The following CCNI2 variants were observed in gnomAD, a reference collection of about 807,000 sequenced individuals.
CCNI2 encodes the protein cyclin-I2.
CCNI2 carries 32 observed loss-of-function variants against 33.2 expected under a neutral mutation model. The observed-to-expected ratio is 0.96, with a 90% CI of 0.73 to 1.30. The LOEUF is 1.30. CCNI2 is among the 50% of genes most tolerant of loss of function. The pLI, the probability that CCNI2 is intolerant of heterozygous loss-of-function variation, is 0.00. For missense variants in CCNI2, 452 were observed against 486.2 expected (o/e 0.93, Z 0.66); for synonymous variants, 231 against 219.9 (o/e 1.05, Z -0.45).
At chr5:132,749,491 GT>G in intron 3 of CCNI2, 69 bp downstream of exon 3, 1 of 1,286,554 alleles carries the variant, frequency 7.8e-7, no homozygotes, top group Non-Finnish European at 1.1e-6. Context: ...GAGGACTCCA[GT>G]TTCCTGATAG....
In CCNI2 at chr5:132,747,802, C is replaced by T. The variant is rs946219281; in HGVS notation, c.307C>T (p.Pro103Ser). ...PAAAPEQAPRPAPQSRKPRNL... is the reference protein window; with the variant it reads ...PAAAPEQAPRSAPQSRKPRNL... ...CGCCGCCCCAGAGCAAGCTCCGCGG[C>T]CGGCTCCACAGTCCCGCAAGCCGCG... The change falls in exon 1 of 6, where the codon CCG becomes TCG. Residue 103 changes from proline to serine, a missense_variant. Pro to Ser is a moderately conservative substitution (Grantham distance 74). Transcript: ENST00000378731. This position sits in a 1 kb window ranked among gnomAD's most constrained non-coding sequence, Gnocchi z 4.1. 7 of 1,478,474 alleles carry T rather than the reference C, an allele frequency of 4.7e-6. No individual in the cohort carries two copies. The African/African-American group carries it at 8.8e-5, about 19-fold the overall frequency. 91.6% of individuals were successfully genotyped at this position (1,478,474 alleles called of 1,614,324 possible).
intron 4 of CCNI2, chr5:132,751,752 CTTT>C (rs879047407): frequency 1.7e-3 from 916 of 539,680 alleles, no homozygotes; most frequent in South Asian, 4.0e-3. Context: ...ACAAAGCAGA[CTTT>C]TTTTTTTTTT....
intron 5 of CCNI2, 74 bp downstream of exon 5, chr5:132,752,270 G>A: frequency 5.5e-6 from 8 of 1,461,266 alleles, no homozygotes; most frequent in Non-Finnish European, 6.4e-6. Flanking sequence ...CCCCAAAGGG[G>A]TACCCTTTGC....
chr5:132,751,800 A>T, intron 4 of CCNI2, 166 bp from the exon 5 acceptor site: 1 of 785,010 alleles, frequency 1.3e-6, no homozygotes, highest in South Asian at 1.9e-5. Flanking sequence ...TGGCCACAGG[A>T]TGGGCATTAA....
rs1755014312 is a variant in CCNI2 at position 132,753,216 on chromosome 5, C to T, written c.*246C>T. The T allele has an allele frequency of 2.1e-6, 1 of 482,356 alleles. No homozygotes were observed. The highest frequency in any genetic ancestry group is 3.7e-6 in the Non-Finnish European group (1 of 267,536). The allele number at this position is 482,356 out of a possible 1,614,324, so 29.9% of individuals were successfully genotyped here. On this transcript the variant is annotated 3_prime_UTR_variant, in exon 6 of 6. Coordinates refer to ENST00000378731, the MANE Select transcript of CCNI2 (RefSeq NM_001039780.4). ...TGACCCTGTCTTCCCTTTTTCTCCT[C>T]TGGGCCTGAAGCCAGGGAGTATGAA... is the stretch of plus-strand genomic sequence containing the variant.
chr5:132,756,054 A>G (rs776522290), downstream of CCNI2: 30 of 985,326 alleles, frequency 3.0e-5, no homozygotes, highest in Non-Finnish European at 3.5e-5. Flanking sequence ...AGTGAATGGA[A>G]AAGAACAAAA....
At chr5:132,750,701 A>C in intron 3 of CCNI2, 156 bp from the exon 4 acceptor site, 1 of 695,860 alleles carries the variant, frequency 1.4e-6, no homozygotes, top group South Asian at 2.0e-5. Flanking sequence ...CAGATAGCCA[A>C]GATCTGGTTT....
rs950523263 is a variant in CCNI2 at position 132,754,071 on chromosome 5, G to T, written c.*1101G>T. On this transcript the variant is annotated 3_prime_UTR_variant, in exon 6 of 6. Coordinates refer to ENST00000378731, the MANE Select transcript of CCNI2 (RefSeq NM_001039780.4). ...GTCAAGGGCCAGATATACTATAATT[G>T]TCTATATTATAGAGTTAGTATACAT... The T allele has an allele frequency of 5.8e-6, 1 of 172,534 alleles. No individual in the cohort carries two copies. The highest frequency in any genetic ancestry group is 2.5e-3 in the Middle Eastern group (1 of 408). 10.7% of individuals were successfully genotyped at this position (172,534 alleles called of 1,614,324 possible). A position where few individuals can be genotyped will look rare whatever the true frequency, so the allele number is the denominator to read the frequency against.
At chr5:132,754,506 A>T, downstream of CCNI2, 1 of 717,516 alleles carries the variant, frequency 1.4e-6, no homozygotes. Context: ...CTGAGAGCTG[A>T]TCCAACTCAA....
Position 132,747,876 on chromosome 5 carries a change from G to A in CCNI2, c.381G>A (p.Gln127=). 1 of 1,455,032 alleles carries A rather than the reference G, an allele frequency of 6.9e-7. No individual in the cohort carries two copies. Among genetic ancestry groups the A allele is most frequent in the Non-Finnish European group, 9.0e-7 (1 of 1,111,562 alleles). 90.1% of individuals were successfully genotyped at this position (1,455,032 alleles called of 1,614,324 possible). A position where few individuals can be genotyped will look rare whatever the true frequency, so the allele number is the denominator to read the frequency against. Residue 127 remains glutamine (Q), a synonymous_variant, in exon 1 of 6, where the codon CAG becomes CAA. Coordinates refer to ENST00000378731, the MANE Select transcript of CCNI2 (RefSeq NM_001039780.4). This position sits in a 1 kb window ranked among gnomAD's most constrained non-coding sequence, Gnocchi z 4.1. ...LDERRLLCHL[Q]LAQDREARLW... ...AGCGCCGGCTGCTCTGCCACTTGCA[G>A]CTGGCCCAGGACCGCGAGGCGCGCC...
Position 132,747,621 on chromosome 5 carries a change from T to G in CCNI2, c.126T>G (p.Ser42=). The G allele has an allele frequency of 2.0e-6, 3 of 1,501,244 alleles. No homozygotes were observed. Among genetic ancestry groups the G allele is most frequent in the Non-Finnish European group, 2.7e-6 (3 of 1,131,666 alleles). 93.0% of individuals were successfully genotyped at this position (1,501,244 alleles called of 1,614,324 possible). The change falls in exon 1 of 6, where the codon TCT becomes TCG. Residue 42 remains serine (S), a synonymous_variant. Transcript: ENST00000378731. The surrounding 1 kb of genome is among the most constrained non-coding windows in gnomAD (Gnocchi z 4.1). ...CCCTGGGCGTTCCTCTCCCGCCGTC[T>G]CCGGGGGAGGCCCCTCTGCCCCGAA... is the stretch of plus-strand genomic sequence containing the variant. ...ETALGVPLPP[S]PGEAPLPRSN...
At chr5:132,751,588 G>A (rs1035083050) in intron 4 of CCNI2, 12 of 281,182 alleles carry the variant, frequency 4.3e-5, no homozygotes, top group Non-Finnish European at 8.0e-5. Flanking sequence ...GTTTCATTAC[G>A]AAAACTGGCC....
chr5:132,750,976 G>A lies in CCNI2; in HGVS notation c.753G>A (p.Thr251=), dbSNP rs755646712. ...TGCACTGGGACCTCTATATTGGGAC[G>A]CCGCTGGACTTCTTGACTATAGTGA... ...DRLHWDLYIG[T]PLDFLTIFHA... Residue 251 remains threonine, a synonymous_variant, in exon 4 of 6, where the codon ACG becomes ACA. Transcript: ENST00000378731. 31 of 1,613,894 alleles carry A rather than the reference G, an allele frequency of 1.9e-5. No homozygotes were observed. Among genetic ancestry groups the A allele is most frequent in the East Asian group, 8.9e-5 (4 of 44,902 alleles).
At position 132,754,207 on chromosome 5, in the gene CCNI2, T is replaced by A; in HGVS notation, c.*1237T>A. 1 of 548,452 alleles carries A rather than the reference T, an allele frequency of 1.8e-6. No individual in the cohort carries two copies. Among genetic ancestry groups the A allele is most frequent in the Non-Finnish European group, 3.3e-6 (1 of 305,336 alleles). The allele number at this position is 548,452 out of a possible 1,614,324, so 34.0% of individuals were successfully genotyped here. ...TTTTGAGCTACCATGCATTTAGCCTTGCGAGAGTCAGATACATTTGGAACA... is the reference window on the plus strand; with the variant it reads ...TTTTGAGCTACCATGCATTTAGCCTAGCGAGAGTCAGATACATTTGGAACA... On this transcript the variant is annotated 3_prime_UTR_variant, in exon 6 of 6. Coordinates refer to ENST00000378731, the MANE Select transcript of CCNI2 (RefSeq NM_001039780.4).
Position 132,749,339 on chromosome 5 carries a change from A to G in CCNI2, c.559-9A>G. The G allele has an allele frequency of 6.2e-7, 1 of 1,609,778 alleles. No individual in the cohort carries two copies. The highest frequency in any genetic ancestry group is 8.5e-7 in the Non-Finnish European group (1 of 1,175,994). ...TATTCTGCTCAAATGTGTTTGTTCC[A>G]TACTGCAGGTAAAAGAGAAATACCT... On this transcript the variant is annotated splice_polypyrimidine_tract_variant and intron_variant, in intron 2 of 5. Coordinates refer to ENST00000378731, the MANE Select transcript of CCNI2 (RefSeq NM_001039780.4).
chr5:132,755,432 T>C (rs777622162), downstream of CCNI2, among the ~76,000 whole-genome samples: 24 of 152,296 alleles, frequency 1.6e-4, no homozygotes, highest in Non-Finnish European at 3.4e-4. Flanking sequence ...TCCATTGAGA[T>C]GCCAAGGAGC....
chr5:132,752,508 C>T (rs996991660), intron 5 of CCNI2, among the ~76,000 whole-genome samples: 2 of 152,166 alleles, frequency 1.3e-5, no homozygotes, highest in African/African-American at 4.8e-5. Flanking sequence ...TAGGAGGAAG[C>T]AACCCTGAGC....
chr5:132,750,056 C>T (rs563237425), intron 3 of CCNI2, among the ~76,000 whole-genome samples: 2 of 152,264 alleles, frequency 1.3e-5, no homozygotes, highest in South Asian at 2.1e-4. Flanking sequence ...GCCATTGCCA[C>T]GGGGGTCACC....
At chr5:132,748,689 G>A (rs1352385801) in intron 2 of CCNI2, among the ~76,000 whole-genome samples, 4 of 152,274 alleles carry the variant, frequency 2.6e-5, no homozygotes, top group Middle Eastern at 3.4e-3. Flanking sequence ...CTTGGGGAGC[G>A]TGAGAGGACC....
Sources: gnomAD v4.1 joint callset for allele counts (sites outside exome capture counted in the v4.1 genomes callset) on GRCh38, gnomAD v4.1.1 for gene constraint, Gnocchi (gnomAD v3.1) non-coding constraint, MANE v1.5 for transcripts, NCBI Gene and HGNC (gene_info 2026-07-23, HGNC 2026-07-21) for gene names.